The following AMER1 variants were observed in gnomAD, a reference collection of about 807,000 sequenced individuals.
The protein encoded by AMER1 is RP11-403E24.2.
In AMER1, 16 loss-of-function variants were observed where a neutral mutation model predicts 53.0. The observed-to-expected ratio is 0.30, with a 90% CI of 0.20 to 0.46. The LOEUF (loss-of-function observed/expected upper bound fraction) is 0.46. Among genes scored for constraint, AMER1 ranks in the 20% least tolerant of loss-of-function variants. The pLI is 1.00. For missense variants in AMER1, 947 were observed against 884.9 expected (o/e 1.07, Z -0.89); for synonymous variants, 354 against 331.9 (o/e 1.07, Z -0.73).
At position 64,186,249 on chromosome X, in the gene AMER1, G is replaced by A; in HGVS notation, c.*3630C>T. On this transcript the variant is annotated 3_prime_UTR_variant, in exon 2 of 2. Coordinates refer to ENST00000374869, the MANE Select transcript of AMER1 (RefSeq NM_152424.4). ...GGTAGGGAGAGGGGAAAGAGGGAGG[G>A]CCCTAGGCAGTTGAGATGCCAGCCC... The A allele has an allele frequency of 8.8e-7, 1 of 1,138,873 alleles. No homozygotes were observed. Among genetic ancestry groups the A allele is most frequent in the Non-Finnish European group, 1.2e-6 (1 of 854,297 alleles). The allele number at this position is 1,138,873 out of a possible 1,213,427, so 93.9% of individuals were successfully genotyped here. A position where few individuals can be genotyped will look rare whatever the true frequency, so the allele number is the denominator to read the frequency against.
In AMER1 at chrX:64,191,012, C is replaced by G. The variant is rs369264970; in HGVS notation, c.2275G>C (p.Val759Leu). ...SPPEDPEEEE[V>L]EKEGNATVSF... is the part of the protein sequence containing the mutation. ...ACAGTGGCATTCCCTTCCTTCTCAA[C>G]CTCCTCTTCCTCTGGATCTTCAGGG... The change falls in exon 2 of 2, where the codon GTT becomes CTT. Residue 759 changes from valine to leucine, a missense_variant. Coordinates refer to ENST00000374869, the MANE Select transcript of AMER1 (RefSeq NM_152424.4). The G allele has an allele frequency of 1.7e-6, 2 of 1,211,879 alleles. No homozygotes were observed. Among genetic ancestry groups the G allele is most frequent in the Non-Finnish European group, 2.2e-6 (2 of 895,564 alleles).
At chrX:64,204,569 A>G (rs767717423) in intron 1 of AMER1, among the ~76,000 whole-genome samples, 8 of 112,941 alleles carry the variant, frequency 7.1e-5, no homozygotes, top group Non-Finnish European at 1.5e-4. Context: ...GGGTTTGGCC[A>G]CCTCGCTAGC....
At chrX:64,201,950 C>A (rs1930496607) in intron 1 of AMER1, among the ~76,000 whole-genome samples, 1 of 112,208 alleles carries the variant, frequency 8.9e-6, no homozygotes, top group African/African-American at 3.2e-5. Flanking sequence ...GAGGCTCCTG[C>A]CTCAGCCTTC....
rs1436377454 is a variant in AMER1, at chrX:64,193,260, A to AGC, written c.25_26dup (p.Gln10LeufsTer44). On this transcript the variant is annotated frameshift_variant, in exon 2 of 2. Transcript: ENST00000374869. LOFTEE classifies it high-confidence loss of function. Reference sequence around the variant, plus strand: ...CAGAGGCTGCAGCTCCCTTGGCCTGAGCAGCTTCATCCTTTTGGGTCTCCA... The same window carrying AGC: ...CAGAGGCTGCAGCTCCCTTGGCCTGAGCGCAGCTTCATCCTTTTGGGTCTCCA... The AGC allele has an allele frequency of 8.3e-7, 1 of 1,209,756 alleles. No individual in the cohort carries two copies. Among genetic ancestry groups the AGC allele is most frequent in the Non-Finnish European group, 1.1e-6 (1 of 895,265 alleles).
At chrX:64,201,943 G>C (rs749726150) in intron 1 of AMER1, among the ~76,000 whole-genome samples, 1 of 112,179 alleles carries the variant, frequency 8.9e-6, no homozygotes, top group African/African-American at 3.2e-5. Flanking sequence ...CCCAAGAGAG[G>C]CTCCTGCCTC....
In AMER1 at chrX:64,191,355, C is replaced by T. The variant is rs2147087125; in HGVS notation, c.1932G>A (p.Gln644=). 5.0e-6 allele frequency: 6 copies of T among 1,211,966 alleles called. No individual in the cohort carries two copies. The highest frequency in any genetic ancestry group is 3.5e-5 in the South Asian group (2 of 56,945). ...RCRETQVRET[Q]ARQEKPVLEY... is the part of the protein sequence containing the mutation. ...CTAAGACGGGCTTCTCCTGCCGGGC[C>T]TGGGTCTCTCGGACTTGAGTCTCTC... The change falls in exon 2 of 2, where the codon CAG becomes CAA. Residue 644 remains glutamine, a synonymous_variant. Transcript: ENST00000374869.
At chrX:64,201,746 C>G in intron 1 of AMER1, among the ~76,000 whole-genome samples, 1 of 112,541 alleles carries the variant, frequency 8.9e-6, no homozygotes. Flanking sequence ...CCTCTTGGTT[C>G]TACCTGCCAG....
rs749517394 is a variant in AMER1 at position 64,192,499 on chromosome X, T to A, written c.788A>T (p.Glu263Val). The A allele has an allele frequency of 2.5e-6, 3 of 1,203,321 alleles. No individual in the cohort carries two copies. The highest frequency in any genetic ancestry group is 3.5e-5 in the African/African-American group (2 of 57,194). Residue 263 changes from glutamate to valine, a missense_variant, in exon 2 of 2, where the codon GAG becomes GTG. Physicochemically the swap from Glu to Val is moderately radical, Grantham distance 121. Transcript: ENST00000374869. Reference sequence around the variant, plus strand: ...TTGCACATGTGCTGAGGCACAGGCCTCCATGGGTTTTTCTGGATCTTTACA... The same window carrying A: ...TTGCACATGTGCTGAGGCACAGGCCACCATGGGTTTTTCTGGATCTTTACA... ...MACKDPEKPM[E>V]ACASAHVQPK...
chrX:64,198,337 C>T (rs1165381351), intron 1 of AMER1, among the ~76,000 whole-genome samples: 1 of 111,661 alleles, frequency 9.0e-6, no homozygotes, highest in Non-Finnish European at 1.9e-5. Flanking sequence ...ATAAAGCACT[C>T]CCTACTCCCA....
At chrX:64,200,214 C>T (rs772079363) in intron 1 of AMER1, among the ~76,000 whole-genome samples, 137 of 112,538 alleles carry the variant, frequency 1.2e-3, no homozygotes, top group African/African-American at 3.7e-3. Context: ...CCAGCTAGAG[C>T]GAGATCAGAC....
Position 64,191,636 on chromosome X carries a change from G to A in AMER1, c.1651C>T (p.Pro551Ser), listed in dbSNP as rs143103708. The A allele has an allele frequency of 2.5e-6, 3 of 1,212,314 alleles. No homozygotes were observed. Among genetic ancestry groups the A allele is most frequent in the Non-Finnish European group, 3.3e-6 (3 of 895,672 alleles). The change falls in exon 2 of 2, where the codon CCT becomes TCT. Residue 551 changes from proline to serine, a missense_variant. Pro to Ser is a moderately conservative substitution (Grantham distance 74). Coordinates refer to ENST00000374869, the MANE Select transcript of AMER1 (RefSeq NM_152424.4). Reference protein sequence around the residue: ...NFEPFLSSRPPGAMETEEERL... With the variant: ...NFEPFLSSRPSGAMETEEERL... ...TCTTCCTCTGTCTCCATTGCCCCAG[G>A]TGGCCGGGAGGACAAAAAGGGCTCA...
At chrX:64,193,849 C>T (rs756196896) in intron 1 of AMER1, among the ~76,000 whole-genome samples, 2 of 112,387 alleles carry the variant, frequency 1.8e-5, no homozygotes, top group Admixed American at 1.9e-4. Context: ...TCACAGGGCT[C>T]TGTTGGATTC....
intron 1 of AMER1, among the ~76,000 whole-genome samples, 185 bp downstream of exon 1, chrX:64,205,385 G>C (rs892157406): frequency 1.1e-4 from 12 of 106,267 alleles, no homozygotes; most frequent in African/African-American, 3.8e-4. Context: ...GTGCCCAGGG[G>C]ACTCAAGGCC....
Position 64,192,329 on chromosome X carries a change from T to G in AMER1, c.958A>C (p.Lys320Gln), listed in dbSNP as rs1236821690. Residue 320 changes from lysine to glutamine, a missense_variant, in exon 2 of 2, where the codon AAA (lysine) becomes CAA (glutamine). Transcript: ENST00000374869. ...SLLFGDVTSL[K>Q]SFDSLTGCGD... Reference sequence around the variant, plus strand: ...CAACCTGTCAATGAATCAAAGCTTTTCAGGGATGTCACATCCCCAAACAAG... The same window carrying G: ...CAACCTGTCAATGAATCAAAGCTTTGCAGGGATGTCACATCCCCAAACAAG... The G allele has an allele frequency of 1.6e-6, 2 of 1,212,159 alleles. No individual in the cohort carries two copies. Among genetic ancestry groups the G allele is most frequent in the Non-Finnish European group, 2.2e-6 (2 of 895,623 alleles).
At chrX:64,196,174 G>A (rs1157911563) in intron 1 of AMER1, among the ~76,000 whole-genome samples, 1 of 111,894 alleles carries the variant, frequency 8.9e-6, no homozygotes, top group African/African-American at 3.3e-5. Context: ...CTGTCACAGG[G>A]AGCTGCAGTG....
chrX:64,185,962 A>C lies in AMER1; in HGVS notation c.*3917T>G, dbSNP rs1437558297. On this transcript the variant is annotated 3_prime_UTR_variant, in exon 2 of 2. Transcript: ENST00000374869. ...TTTGGAGAAACTCAACAAGACAAAT[A>C]GCACAACATGGGCACTCTGATTTCA... is the stretch of plus-strand genomic sequence containing the variant. 3 of 466,328 alleles carry C rather than the reference A, an allele frequency of 6.4e-6. No homozygotes were observed. The highest frequency in any genetic ancestry group is 1.0e-5 in the Non-Finnish European group (3 of 288,669). The allele number at this position is 466,328 out of a possible 1,213,427, so 38.4% of individuals were successfully genotyped here.
chrX:64,188,832 A>C lies in AMER1; in HGVS notation c.*1047T>G. The C allele has an allele frequency of 1.2e-6, 1 of 806,724 alleles. No individual in the cohort carries two copies. Among genetic ancestry groups the C allele is most frequent in the East Asian group, 7.0e-5 (1 of 14,359 alleles). The allele number at this position is 806,724 out of a possible 1,213,427, so 66.5% of individuals were successfully genotyped here. A position where few individuals can be genotyped will look rare whatever the true frequency, so the allele number is the denominator to read the frequency against. ...ACCCCAGCCCCTATAGTCAAGCCTA[A>C]TTTAGGTTGCTTCTCTTCCCTTATC... On this transcript the variant is annotated 3_prime_UTR_variant, in exon 2 of 2. Transcript: ENST00000374869.
rs1401837536 is a variant in AMER1, at chrX:64,186,614, G to C, written c.*3265C>G. The C allele has an allele frequency of 1.4e-5, 11 of 772,158 alleles. No homozygotes were observed. Among genetic ancestry groups the C allele is most frequent in the Non-Finnish European group, 1.5e-5 (10 of 650,763 alleles). The allele number at this position is 772,158 out of a possible 1,213,427, so 63.6% of individuals were successfully genotyped here. A position where few individuals can be genotyped will look rare whatever the true frequency, so the allele number is the denominator to read the frequency against. ...CAGCAGGATGAAGGGTACACACCCAGCCTCCTGAGTGTGTGAAGCTACTTC... is the reference window on the plus strand; with the variant it reads ...CAGCAGGATGAAGGGTACACACCCACCCTCCTGAGTGTGTGAAGCTACTTC... On this transcript the variant is annotated 3_prime_UTR_variant, in exon 2 of 2. Coordinates refer to ENST00000374869, the MANE Select transcript of AMER1 (RefSeq NM_152424.4).
chrX:64,195,662 C>A (rs897313630), intron 1 of AMER1, among the ~76,000 whole-genome samples: 20 of 112,144 alleles, frequency 1.8e-4, no homozygotes, highest in African/African-American at 5.8e-4. Flanking sequence ...CTAACAAATG[C>A]CTGATGATCT....
Sources: allele counts gnomAD v4.1 joint callset (sites outside exome capture counted in the v4.1 genomes callset), GRCh38; gene constraint gnomAD v4.1.1; transcripts MANE v1.5; gene names NCBI Gene and HGNC (gene_info 2026-07-23, HGNC 2026-07-21).